The following CCDC134 variants were observed in gnomAD, a reference collection of about 807,000 sequenced individuals.
CCDC134 encodes coiled-coil domain containing 134, also known as coiled-coil domain-containing protein 134.
Under a neutral mutation model 25.6 loss-of-function variants are expected in CCDC134, and 27 were observed. That is an observed-to-expected ratio of 1.05 (90% CI 0.78 to 1.45). The LOEUF (loss-of-function observed/expected upper bound fraction) is 1.45, where lower values mean the gene tolerates loss of function less well. CCDC134 is among the 40% of genes most tolerant of loss of function. The probability of loss-of-function intolerance (pLI) is 0.00; values close to 1 mark genes in which losing one functional copy is unlikely to be tolerated. For missense variants in CCDC134, 261 were observed against 286.7 expected (o/e 0.91, Z 0.65); for synonymous variants, 110 against 115.0 (o/e 0.96, Z 0.28).
intron 6 of CCDC134, among the ~76,000 whole-genome samples, chr22:41,819,454 G>A (rs1359650640): frequency 6.6e-6 from 1 of 152,240 alleles, no homozygotes; most frequent in Non-Finnish European, 1.5e-5. Context: ...CTTCAGGGCA[G>A]AGGGACGAAC....
chr22:41,815,101 A>C (rs2076616113), intron 6 of CCDC134, among the ~76,000 whole-genome samples: 1 of 151,966 alleles, frequency 6.6e-6, no homozygotes, highest in African/African-American at 2.4e-5. Flanking sequence ...GCCCTGCAAG[A>C]ATATGCAGGG....
chr22:41,812,422 C>CAAA (rs36098937), intron 4 of CCDC134, among the ~76,000 whole-genome samples: 51 of 77,096 alleles, frequency 6.6e-4, no homozygotes, highest in African/African-American at 1.6e-3. Flanking sequence ...ACTCCGTCTC[C>CAAA]AAAAAAAAAA....
At chr22:41,808,233 T>C (rs1300537838) in intron 1 of CCDC134, among the ~76,000 whole-genome samples, 1 of 152,122 alleles carries the variant, frequency 6.6e-6, no homozygotes, top group African/African-American at 2.4e-5. Context: ...GTATTCTATG[T>C]AGTACCTATG....
At position 41,827,304 on chromosome 22, in the gene CCDC134, G is replaced by A. The variant is rs5996073; in HGVS notation, c.*1481G>A. ...GGCAGTGGAGGCAGGGCAGTGTGGTGGGACTGACTCAACAGACATAGTTTC... is the reference window on the plus strand; with the variant it reads ...GGCAGTGGAGGCAGGGCAGTGTGGTAGGACTGACTCAACAGACATAGTTTC... On this transcript the variant is annotated 3_prime_UTR_variant, in exon 7 of 7. Transcript: ENST00000255784. Among the ~76,000 whole-genome samples the A allele has an allele frequency of 6.0e-3, 907 of 152,294 alleles. 10 individuals are homozygous for A. Among genetic ancestry groups the A allele is most frequent in the African/African-American group, 0.02 (818 of 41,554 alleles).
chr22:41,809,080 GC>G, intron 2 of CCDC134, 87 bp downstream of exon 2: 1 of 1,127,762 alleles, frequency 8.9e-7, no homozygotes, highest in Non-Finnish European at 1.3e-6. Context: ...GGATAAGCAG[GC>G]CCAGCTGGCG....
In CCDC134 at chr22:41,829,933, C is replaced by T. The variant is rs2076697453; in HGVS notation, c.*4110C>T. On this transcript the variant is annotated 3_prime_UTR_variant, in exon 7 of 7. Coordinates refer to ENST00000255784, the MANE Select transcript of CCDC134 (RefSeq NM_024821.5). The stretch of plus-strand genomic sequence containing the variant: ...GGACTACAGGTGCTTGCCACCATGA[C>T]CAGCTAATTTTTGTATTTTCAGTAG... Among the ~76,000 whole-genome samples, 1 of 152,090 alleles carries T rather than the reference C, an allele frequency of 6.6e-6. No individual in the cohort carries two copies. The highest frequency in any genetic ancestry group is 2.1e-4 in the South Asian group (1 of 4,824).
intron 1 of CCDC134, among the ~76,000 whole-genome samples, chr22:41,805,162 G>A (rs1372333305): frequency 6.6e-6 from 1 of 152,222 alleles, no homozygotes; most frequent in East Asian, 1.9e-4. Context: ...CCAGCATGGT[G>A]GCTCACGCCT....
intron 1 of CCDC134, among the ~76,000 whole-genome samples, chr22:41,808,313 CCTT>C (rs1270909599): frequency 6.6e-6 from 1 of 151,968 alleles, no homozygotes; most frequent in African/African-American, 2.4e-5. Context: ...GCCCTTTGTC[CCTT>C]CTTACTTTCT....
rs1380076044 is a variant in CCDC134 at position 41,831,181 on chromosome 22, C to G, written c.*5358C>G. 1 of 151,576 alleles carries G rather than the reference C, an allele frequency of 6.6e-6. No homozygotes were observed. Among genetic ancestry groups the G allele is most frequent in the South Asian group, 2.1e-4 (1 of 4,802 alleles). The allele number at this position is 151,576 out of a possible 1,614,324, so 9.4% of individuals were successfully genotyped here. ...GATTACAGGCGTGAGCCACCTTGCC[C>G]GGACTCTCTTTGTATTTTTTCTTTC... On this transcript the variant is annotated 3_prime_UTR_variant, in exon 7 of 7. Coordinates refer to ENST00000255784, the MANE Select transcript of CCDC134 (RefSeq NM_024821.5).
intron 6 of CCDC134, among the ~76,000 whole-genome samples, chr22:41,819,997 AT>A (rs1344649029): frequency 3.0e-4 from 39 of 130,720 alleles, no homozygotes; most frequent in East Asian, 6.7e-4. Context: ...ATATATATAT[AT>A]AATTTTTTTT....
At chr22:41,808,160 TA>T (rs56099384) in intron 1 of CCDC134, among the ~76,000 whole-genome samples, 106 of 145,216 alleles carry the variant, frequency 7.3e-4, no homozygotes, top group East Asian at 3.0e-3. Flanking sequence ...AACTCCATCT[TA>T]AAAAAAAAAA....
At position 41,809,985 on chromosome 22, in the gene CCDC134, C is replaced by A. The variant is rs774118199; in HGVS notation, c.210C>A (p.Leu70=). 6.2e-7 allele frequency: 1 copy of A among 1,613,990 alleles called. No homozygotes were observed. Among genetic ancestry groups the A allele is most frequent in the Non-Finnish European group, 8.5e-7 (1 of 1,180,020 alleles). ...AGTACAAGATCCTTGATGTCATGCT[C>A]AAGGGGCTCTTTAAGGTGTGTGCAG... The part of the protein sequence containing the change: ...HQQYKILDVM[L]KGLFKVLEDS... The change falls in exon 3 of 7, where the codon CTC becomes CTA. Residue 70 remains leucine, a synonymous_variant. Coordinates refer to ENST00000255784, the MANE Select transcript of CCDC134 (RefSeq NM_024821.5).
At chr22:41,805,522 T>C (rs1288915666) in intron 1 of CCDC134, among the ~76,000 whole-genome samples, 1 of 152,252 alleles carries the variant, frequency 6.6e-6, no homozygotes, top group African/African-American at 2.4e-5. Flanking sequence ...CACCTCTCTT[T>C]ACAAAAGTAT....
At chr22:41,814,482 G>A (rs931579927) in intron 6 of CCDC134, among the ~76,000 whole-genome samples, 4 of 151,992 alleles carry the variant, frequency 2.6e-5, no homozygotes, top group Non-Finnish European at 4.4e-5. Flanking sequence ...CAGGAGAATC[G>A]CTTGAACCCG....
At chr22:41,805,651 C>A (rs2076564375) in intron 1 of CCDC134, among the ~76,000 whole-genome samples, 1 of 152,288 alleles carries the variant, frequency 6.6e-6, no homozygotes, top group African/African-American at 2.4e-5. Context: ...ACACATTACT[C>A]TGGCAGGGTG....
In CCDC134 at chr22:41,829,797, A is replaced by G. The variant is rs2076696684; in HGVS notation, c.*3974A>G. Among the ~76,000 whole-genome samples the G allele has an allele frequency of 6.6e-6, 1 of 150,998 alleles. No individual in the cohort carries two copies. The highest frequency in any genetic ancestry group is 6.6e-5 in the Admixed American group (1 of 15,166). On this transcript the variant is annotated 3_prime_UTR_variant, in exon 7 of 7. Transcript: ENST00000255784. ...TTTCTTTTTTTTCTTTTTTTTTGAG[A>G]CAAGTCTCACTTTGTTGCCTGCCTG...
At chr22:41,805,368 G>C (rs1411842931) in intron 1 of CCDC134, among the ~76,000 whole-genome samples, 1 of 152,076 alleles carries the variant, frequency 6.6e-6, no homozygotes, top group Non-Finnish European at 1.5e-5. Context: ...GGAGGTCAAG[G>C]CTACAGTGAG....
intron 1 of CCDC134, among the ~76,000 whole-genome samples, chr22:41,803,932 C>G (rs568021428): frequency 2.3e-4 from 35 of 152,040 alleles, no homozygotes; most frequent in Admixed American, 1.6e-3. Context: ...GAGATGGAGA[C>G]CATCCTGGCT....
At position 41,825,369 on chromosome 22, in the gene CCDC134, C is replaced by T. The variant is rs559984076; in HGVS notation, c.565-329C>T. Among the ~76,000 whole-genome samples the T allele has an allele frequency of 2.0e-5, 3 of 152,118 alleles. No homozygotes were observed. Among genetic ancestry groups the T allele is most frequent in the South Asian group, 2.1e-4 (1 of 4,804 alleles). On this transcript the variant is annotated intron_variant, in intron 6 of 6. Transcript: ENST00000255784. This position sits in a 1 kb window ranked among gnomAD's most constrained non-coding sequence, Gnocchi z 4.4. ...AAGGGTGCAGCAGGTGTGGGGCTCC[C>T]GGGTCTGTGGTGGTCTCAGCCACTC... is the stretch of plus-strand genomic sequence containing the variant.
Sources: gnomAD v4.1 joint callset for allele counts (sites outside exome capture counted in the v4.1 genomes callset) on GRCh38, gnomAD v4.1.1 for gene constraint, Gnocchi (gnomAD v3.1) non-coding constraint, MANE v1.5 for transcripts, NCBI Gene and HGNC (gene_info 2026-07-23, HGNC 2026-07-21) for gene names.